GSTO2: variants seen among roughly 807,000 people sequenced by gnomAD.
The protein encoded by GSTO2 is glutathione S-transferase omega 2.
Under a neutral mutation model 28.4 loss-of-function variants are expected in GSTO2, and 23 were observed. That is an observed-to-expected ratio of 0.81 (90% CI 0.58 to 1.15). The LOEUF (loss-of-function observed/expected upper bound fraction) is 1.15, where lower values mean the gene tolerates loss of function less well. Among genes scored for constraint, GSTO2 ranks in the 50% most tolerant of loss-of-function variants. The pLI, the probability that GSTO2 is intolerant of heterozygous loss-of-function variation, is 0.00. For synonymous variants in GSTO2, 109 were observed against 111.0 expected, an observed-to-expected ratio of 0.98 and a Z score of 0.11; for missense variants, 298 against 297.8, an observed-to-expected ratio of 1.00 and a Z score of 0.00.
chr10:104,282,483 G>A (rs1169215395), intron 5 of GSTO2, among the ~76,000 whole-genome samples: 1 of 150,986 alleles, frequency 6.6e-6, no homozygotes, highest in Non-Finnish European at 1.5e-5. Context: ...GAGCCTAGGA[G>A]GTTGAAGCTG....
rs530807633 is a variant in GSTO2, at chr10:104,280,555, CAG to C, written c.468+1087_468+1088del. Among the ~76,000 whole-genome samples the C allele has an allele frequency of 1.2e-3, 178 of 152,262 alleles. 2 individuals are homozygous for C. Among genetic ancestry groups the C allele is most frequent in the African/African-American group, 4.2e-3 (173 of 41,558 alleles). On this transcript the variant is annotated intron_variant, in intron 5 of 6. Transcript: ENST00000338595. ...TTAGCTGGGATACCCTGAATAAAAT[CAG>C]AGGTCTGTAATTAAGGAAGAAGGGG...
chr10:104,303,535 C>T lies in GSTO2; in HGVS notation c.*4251C>T, dbSNP rs2013320183. 1 of 152,108 alleles carries T rather than the reference C, an allele frequency of 6.6e-6. No individual in the cohort carries two copies. Among genetic ancestry groups the T allele is most frequent in the Admixed American group, 6.5e-5 (1 of 15,270 alleles). The allele number at this position is 152,108 out of a possible 1,614,324, so 9.4% of individuals were successfully genotyped here. On this transcript the variant is annotated 3_prime_UTR_variant, in exon 7 of 7. Transcript: ENST00000338595. ...AACAACCTATGCTCATATTTGTGAG[C>T]AAAGAAATTATGTTAAGTTGGAACT... is the stretch of plus-strand genomic sequence containing the variant.
chr10:104,286,599 C>T, intron 5 of GSTO2, among the ~76,000 whole-genome samples: 1 of 152,160 alleles, frequency 6.6e-6, no homozygotes, highest in Admixed American at 6.5e-5. Context: ...TGTTTACTAA[C>T]ATGCCATTTT....
chr10:104,299,676 C>G lies in GSTO2; in HGVS notation c.*392C>G, dbSNP rs1173686709. On this transcript the variant is annotated 3_prime_UTR_variant, in exon 7 of 7. Transcript: ENST00000338595. The stretch of plus-strand genomic sequence containing the variant: ...AAAATGTTGTTGAGACAGGGTCTCA[C>G]TATGTTGCTCAGGCTGGTCTCCATC... The G allele has an allele frequency of 4.5e-6, 1 of 222,056 alleles. No individual in the cohort carries two copies. The highest frequency in any genetic ancestry group is 8.9e-6 in the Non-Finnish European group (1 of 112,336). 13.8% of individuals were successfully genotyped at this position (222,056 alleles called of 1,614,324 possible).
chr10:104,279,094 CT>C (rs2011842978), intron 4 of GSTO2, among the ~76,000 whole-genome samples: 1 of 152,064 alleles, frequency 6.6e-6, no homozygotes, highest in Admixed American at 6.5e-5. Context: ...AGTGTCCCAC[CT>C]AAGAATGTAT....
chr10:104,279,512 G>A (rs1309931754), intron 5 of GSTO2, 41 bp downstream of exon 5: 1 of 1,435,262 alleles, frequency 7.0e-7, no homozygotes, highest in African/African-American at 1.4e-5. Context: ...TACAGTGGAG[G>A]AAGCTAGGCA....
intron 5 of GSTO2, chr10:104,295,668 A>G (rs2012988448): frequency 6.6e-6 from 1 of 152,276 alleles, no homozygotes; most frequent in Admixed American, 6.5e-5. Context: ...CCCAGGTTCC[A>G]TGCTGAATCA....
chr10:104,275,237 CCAGGG>C lies in GSTO2; in HGVS notation c.48_52del (p.Gly17SerfsTer32). On this transcript the variant is annotated frameshift_variant, in exon 3 of 7. Coordinates refer to ENST00000338595, the MANE Select transcript of GSTO2 (RefSeq NM_183239.2). LOFTEE classifies it high-confidence loss of function. Reference sequence around the variant, plus strand: ...TCGCTGCTCTGCAGGAAGCCAGCCCCCAGGGCCAGTCCCGGAGGGGCTGATCCGCA... The same window carrying C: ...TCGCTGCTCTGCAGGAAGCCAGCCCCCCAGTCCCGGAGGGGCTGATCCGCA... The C allele has an allele frequency of 6.2e-7, 1 of 1,613,718 alleles. No homozygotes were observed. The highest frequency in any genetic ancestry group is 1.1e-5 in the South Asian group (1 of 91,042).
At chr10:104,295,543 A>G (rs2012981546) in intron 5 of GSTO2, 1 of 152,384 alleles carries the variant, frequency 6.6e-6, no homozygotes, top group Middle Eastern at 3.4e-3. Context: ...CAGTGGGGCC[A>G]GAGTGTTCTT....
chr10:104,271,381 TACTC>T (rs1342692432), intron 1 of GSTO2, among the ~76,000 whole-genome samples: 5 of 152,252 alleles, frequency 3.3e-5, no homozygotes, highest in African/African-American at 9.6e-5. Flanking sequence ...AATGTGTTCT[TACTC>T]ACTAGCGTTT....
Position 104,299,156 on chromosome 10 carries a change from C to A in GSTO2, c.604C>A (p.Leu202Ile). The change falls in exon 7 of 7, where the codon CTC becomes ATC. Residue 202 changes from leucine to isoleucine, a missense_variant. Transcript: ENST00000338595. ...DCVSHTPALR[L>I]WISAMKWDPT... Reference sequence around the variant, plus strand: ...TGTGAGCCACACGCCAGCCCTGCGGCTCTGGATATCAGCCATGAAGTGGGA... The same window carrying A: ...TGTGAGCCACACGCCAGCCCTGCGGATCTGGATATCAGCCATGAAGTGGGA... 1 of 1,614,206 alleles carries A rather than the reference C, an allele frequency of 6.2e-7. No homozygotes were observed. The highest frequency in any genetic ancestry group is 8.5e-7 in the Non-Finnish European group (1 of 1,180,014).
intron 5 of GSTO2, chr10:104,294,881 C>T (rs1428221845): frequency 6.6e-6 from 1 of 152,210 alleles, no homozygotes; most frequent in Non-Finnish European, 1.5e-5. Flanking sequence ...ACTAAATAAA[C>T]ATCAGTTACT....
At chr10:104,280,457 A>G (rs1375623448) in intron 5 of GSTO2, among the ~76,000 whole-genome samples, 3 of 152,202 alleles carry the variant, frequency 2.0e-5, no homozygotes, top group Non-Finnish European at 4.4e-5. Flanking sequence ...CTCAATGGCT[A>G]TTTACATTTC....
chr10:104,275,136 A>G, intron 2 of GSTO2, 90 bp from the exon 3 acceptor site: 7 of 1,525,118 alleles, frequency 4.6e-6, no homozygotes, highest in Non-Finnish European at 6.2e-6. Context: ...TCCCACAGCC[A>G]TCTTGGGATC....
chr10:104,304,564 C>T lies in GSTO2; in HGVS notation c.*5280C>T, dbSNP rs1008721343. On this transcript the variant is annotated 3_prime_UTR_variant, in exon 7 of 7. Coordinates refer to ENST00000338595, the MANE Select transcript of GSTO2 (RefSeq NM_183239.2). ...ATCTGTAAAATGGGACGGCTAAGTA[C>T]CTATTTCATTGGGCTGTTGAATAAT... The T allele has an allele frequency of 6.6e-6, 1 of 152,132 alleles. No homozygotes were observed. Among genetic ancestry groups the T allele is most frequent in the Admixed American group, 6.6e-5 (1 of 15,258 alleles). 9.4% of individuals were successfully genotyped at this position (152,132 alleles called of 1,614,324 possible). A position where few individuals can be genotyped will look rare whatever the true frequency, so the allele number is the denominator to read the frequency against.
chr10:104,291,051 G>T (rs888902024), intron 5 of GSTO2, among the ~76,000 whole-genome samples: 9 of 152,116 alleles, frequency 5.9e-5, no homozygotes, highest in South Asian at 2.1e-4. Context: ...ATTAATAAAA[G>T]ATTTCTGCCC....
At chr10:104,299,013 G>C in intron 6 of GSTO2, 115 bp from the exon 7 acceptor site, 1 of 926,850 alleles carries the variant, frequency 1.1e-6, no homozygotes, top group South Asian at 2.0e-5. Flanking sequence ...AGATAACTAA[G>C]ATAACTTCCC....
chr10:104,295,859 T>C, intron 5 of GSTO2: 1 of 152,352 alleles, frequency 6.6e-6, no homozygotes, highest in Non-Finnish European at 1.5e-5. Flanking sequence ...AATCCACAGT[T>C]TGATTCTGGT....
rs1417044194 is a variant in GSTO2 at position 104,303,096 on chromosome 10, C to G, written c.*3812C>G. 1.3e-5 allele frequency: 2 copies of G among 152,186 alleles called. No individual in the cohort carries two copies. Among genetic ancestry groups the G allele is most frequent in the African/African-American group, 4.8e-5 (2 of 41,442 alleles). The allele number at this position is 152,186 out of a possible 1,614,324, so 9.4% of individuals were successfully genotyped here. On this transcript the variant is annotated 3_prime_UTR_variant, in exon 7 of 7. Transcript: ENST00000338595. ...CATTAGTTATTTTTCCTGATCCTCTCCCTCCTCCCACCCTGCACCCTCTGA... is the reference window on the plus strand; with the variant it reads ...CATTAGTTATTTTTCCTGATCCTCTGCCTCCTCCCACCCTGCACCCTCTGA...
Sources: allele counts gnomAD v4.1 joint callset (sites outside exome capture counted in the v4.1 genomes callset), GRCh38; gene constraint gnomAD v4.1.1; transcripts MANE v1.5; gene names NCBI Gene and HGNC (gene_info 2026-07-23, HGNC 2026-07-21).